The following HPCAL1 variants were observed in gnomAD, a reference collection of about 807,000 sequenced individuals.
HPCAL1 encodes the protein hippocalcin-like protein 1.
HPCAL1 carries 8 observed loss-of-function variants against 17.1 expected under a neutral mutation model. That is an observed-to-expected ratio of 0.47 (90% CI 0.27 to 0.84). The LOEUF (loss-of-function observed/expected upper bound fraction) is 0.84. HPCAL1 is among the 40% of genes least tolerant of loss of function. The pLI is 0.13. For synonymous variants in HPCAL1, 112 were observed against 111.4 expected (o/e 1.01, Z -0.03); for missense variants, 165 against 271.1 (o/e 0.61, Z 2.75).
intron 1 of HPCAL1, among the ~76,000 whole-genome samples, chr2:10,315,320 A>G (rs999752049): frequency 1.2e-4 from 19 of 152,022 alleles, no homozygotes; most frequent in Non-Finnish European, 2.5e-4. Context: ...TTATGCAGAC[A>G]GTTTCATTTC....
At chr2:10,399,322 CCA>C (rs1669332172) in intron 2 of HPCAL1, among the ~76,000 whole-genome samples, 1 of 78,464 alleles carries the variant, frequency 1.3e-5, no homozygotes, top group Non-Finnish European at 2.8e-5. Flanking sequence ...ACCACCACCA[CCA>C]TCACCACCAC....
intron 1 of HPCAL1, among the ~76,000 whole-genome samples, chr2:10,329,467 C>A (rs1201946258): frequency 1.3e-5 from 2 of 152,168 alleles, no homozygotes; most frequent in African/African-American, 4.8e-5. Context: ...GCTGGCTCTG[C>A]TGACAGGAAT....
chr2:10,397,398 C>T (rs1293731079), intron 2 of HPCAL1, among the ~76,000 whole-genome samples: 1 of 152,116 alleles, frequency 6.6e-6, no homozygotes, highest in Non-Finnish European at 1.5e-5. Context: ...CCTCTGGACC[C>T]CCACCCACGC....
rs3771145 is a variant in HPCAL1, at chr2:10,398,843, G to T, written c.-25+1923G>T. ...CCTCAGCCTCAGGGTGCCAGTTAGC[G>T]TGTGGTTAGCTGAGAAAAAAGTATT... On this transcript the variant is annotated intron_variant, in intron 2 of 4. Coordinates refer to ENST00000307845, the MANE Select transcript of HPCAL1 (RefSeq NM_002149.4). 1.6e-4 allele frequency among the ~76,000 whole-genome samples: 24 copies of T among 152,096 alleles called. No individual in the cohort carries two copies. The East Asian group carries it at 4.3e-3, about 27-fold the overall frequency.
Position 10,365,608 on chromosome 2 carries a change from C to T in HPCAL1, c.-110-31227C>T, listed in dbSNP as rs980673181. Among the ~76,000 whole-genome samples the T allele has an allele frequency of 1.1e-4, 16 of 152,102 alleles. No homozygotes were observed. The highest frequency in any genetic ancestry group is 8.3e-4 in the South Asian group (4 of 4,814). ...GCGTTATGATGTCCCGCCCAACCCC[C>T]GACCGCACACCTCCCTCCCCCTTAG... On this transcript the variant is annotated intron_variant, in intron 1 of 4. Transcript: ENST00000307845. This position sits in a 1 kb window ranked among gnomAD's most constrained non-coding sequence, Gnocchi z 4.8.
chr2:10,319,822 C>T (rs957806358), intron 1 of HPCAL1, among the ~76,000 whole-genome samples: 3 of 151,938 alleles, frequency 2.0e-5, no homozygotes, highest in Non-Finnish European at 2.9e-5. Context: ...AGCAGAAGGT[C>T]TGAAATCCTC....
intron 1 of HPCAL1, among the ~76,000 whole-genome samples, chr2:10,328,986 T>A (rs1664186379): frequency 6.6e-6 from 1 of 151,986 alleles, no homozygotes; most frequent in African/African-American, 2.4e-5. Flanking sequence ...TTAAATTAAA[T>A]TTTTAATTTT....
chr2:10,315,408 C>T (rs10803718), intron 1 of HPCAL1, among the ~76,000 whole-genome samples: 7,638 of 152,076 alleles, frequency 0.05, 645 homozygotes, highest in African/African-American at 0.17. Context: ...TGGTTGTATT[C>T]CATGGGATCA....
rs988047905 is a variant in HPCAL1, at chr2:10,310,751, G to A, written c.-111+7574G>A. On this transcript the variant is annotated intron_variant, in intron 1 of 4. Transcript: ENST00000307845. This position sits in a 1 kb window ranked among gnomAD's most constrained non-coding sequence, Gnocchi z 4.5. ...CTGGGAGTGTTCGTGCTGGCAGGCC[G>A]GAGGAGGACTGCTGGGCACACTTGC... Among the ~76,000 whole-genome samples, 4 of 152,236 alleles carry A rather than the reference G, an allele frequency of 2.6e-5. No individual in the cohort carries two copies. The highest frequency in any genetic ancestry group is 2.1e-4 in the South Asian group (1 of 4,830).
intron 3 of HPCAL1, among the ~76,000 whole-genome samples, chr2:10,421,389 T>A (rs1384289228): frequency 6.6e-6 from 1 of 152,176 alleles, no homozygotes; most frequent in Non-Finnish European, 1.5e-5. Context: ...GGCATTCCCC[T>A]GAGTGCCTCC....
At chr2:10,388,763 C>T (rs982179658) in intron 1 of HPCAL1, among the ~76,000 whole-genome samples, 1 of 152,244 alleles carries the variant, frequency 6.6e-6, no homozygotes, top group African/African-American at 2.4e-5. Flanking sequence ...TCACCAGCAG[C>T]AGCTGTGAGT....
At position 10,413,315 on chromosome 2, in the gene HPCAL1, G is replaced by T. The variant is rs1227078820; in HGVS notation, c.-24-6419G>T. Among the ~76,000 whole-genome samples the T allele has an allele frequency of 2.6e-5, 4 of 152,196 alleles. No homozygotes were observed. In the East Asian group the frequency reaches 7.7e-4, roughly 29 times the overall value. On this transcript the variant is annotated intron_variant, in intron 2 of 4. Transcript: ENST00000307845. ...TTCTCTCCCTTGCATTCCGAAAGTG[G>T]GTCACACTGGAATACCAGCTTTGTC...
At chr2:10,337,182 G>C (rs1392842450) in intron 1 of HPCAL1, among the ~76,000 whole-genome samples, 1 of 152,140 alleles carries the variant, frequency 6.6e-6, no homozygotes, top group South Asian at 2.1e-4. Context: ...GTTAGAAGTA[G>C]ACCCCTCCCA....
intron 1 of HPCAL1, among the ~76,000 whole-genome samples, chr2:10,334,360 T>G (rs1419278178): frequency 3.3e-5 from 5 of 151,754 alleles, no homozygotes; most frequent in Non-Finnish European, 7.4e-5. Flanking sequence ...CAACAACAGT[T>G]AGGTGGGTGC....
chr2:10,345,831 T>C (rs1041574637), intron 1 of HPCAL1, among the ~76,000 whole-genome samples: 3 of 152,124 alleles, frequency 2.0e-5, no homozygotes, highest in Non-Finnish European at 2.9e-5. Context: ...CACTGTAAAA[T>C]AGAAAATATA....
In HPCAL1 at chr2:10,401,183, TCAC is replaced by T. The variant is rs201555529; in HGVS notation, c.-25+4265_-25+4267del. Among the ~76,000 whole-genome samples, 677 of 152,250 alleles carry T rather than the reference TCAC, an allele frequency of 4.4e-3. 9 individuals are homozygous for T. Among genetic ancestry groups the T allele is most frequent in the African/African-American group, 0.015 (640 of 41,564 alleles). ...CCAGCCAGGCTCCTCCCCACCCATG[TCAC>T]CGGCCTCTCTAGGTGGAGTCCACAG... On this transcript the variant is annotated intron_variant, in intron 2 of 4. Transcript: ENST00000307845.
At chr2:10,312,206 TCATCAACATC>T (rs1663014958) in intron 1 of HPCAL1, among the ~76,000 whole-genome samples, 1 of 25,428 alleles carries the variant, frequency 3.9e-5, no homozygotes, top group Non-Finnish European at 9.7e-5. Context: ...ATCACTGTCA[TCATCAACATC>T]CATCATCACT....
chr2:10,424,305 G>C (rs181069587), intron 4 of HPCAL1: 1 of 351,780 alleles, frequency 2.8e-6, no homozygotes, highest in Admixed American at 3.6e-5. Flanking sequence ...AGAAAACAAG[G>C]CTGCCTGGTG....
At chr2:10,410,972 AC>A (rs1670321179) in intron 2 of HPCAL1, among the ~76,000 whole-genome samples, 1 of 144,272 alleles carries the variant, frequency 6.9e-6, no homozygotes, top group Non-Finnish European at 1.5e-5. Flanking sequence ...GTCGGGCCCG[AC>A]AGCCTCCAGG....
Sources: allele counts gnomAD v4.1 joint callset (sites outside exome capture counted in the v4.1 genomes callset), GRCh38; gene constraint gnomAD v4.1.1; non-coding constraint Gnocchi (gnomAD v3.1); transcripts MANE v1.5; gene names NCBI Gene and HGNC (gene_info 2026-07-23, HGNC 2026-07-21).